Variants in DYNC1LI2 observed in about 807,000 individuals in gnomAD.
DYNC1LI2 encodes dynein cytoplasmic 1 light intermediate chain 2.
In DYNC1LI2, 19 loss-of-function variants were observed where a neutral mutation model predicts 57.8. That is an observed-to-expected ratio of 0.33 (90% CI 0.23 to 0.48). The LOEUF is 0.48. Among genes scored for constraint, DYNC1LI2 ranks in the 20% least tolerant of loss-of-function variants. The probability of loss-of-function intolerance (pLI) is 0.99; values close to 1 mark genes in which losing one functional copy is unlikely to be tolerated. For synonymous variants in DYNC1LI2, 256 were observed against 233.4 expected (o/e 1.10, Z -0.88); for missense variants, 470 against 604.2 (o/e 0.78, Z 2.33).
At chr16:66,742,952 G>T (rs1211920464) in intron 3 of DYNC1LI2, among the ~76,000 whole-genome samples, 2 of 151,788 alleles carry the variant, frequency 1.3e-5, no homozygotes, top group Admixed American at 1.3e-4. Flanking sequence ...TGAGGTCAGG[G>T]GTTCAAGACC....
In DYNC1LI2 at chr16:66,729,067, A is replaced by G. The variant is rs2017587146; in HGVS notation, c.1074T>C (p.Asp358=). The G allele has an allele frequency of 1.2e-6, 2 of 1,614,072 alleles. No homozygotes were observed. The highest frequency in any genetic ancestry group is 2.7e-5 in the African/African-American group (2 of 74,934). ...GTTGCTTCATTAGGAACACCTGCTC[A>G]TCTTCTGCTGCCAACTCTTTGTCGT... ...LVHDKELAAE[D]EQVFLMKQQS... is the part of the protein sequence containing the mutation. Residue 358 remains aspartate (D), a synonymous_variant, in exon 9 of 13, where the codon GAT becomes GAC. Transcript: ENST00000258198.
At chr16:66,725,375 G>A (rs2144965523) in intron 12 of DYNC1LI2, among the ~76,000 whole-genome samples, 1 of 152,076 alleles carries the variant, frequency 6.6e-6, no homozygotes, top group African/African-American at 2.4e-5. Context: ...CAGCTACTCG[G>A]GAGGCTGAGA....
At chr16:66,749,465 G>T in intron 2 of DYNC1LI2, 152 bp from the exon 3 acceptor site, 5 of 759,878 alleles carry the variant, frequency 6.6e-6, no homozygotes, top group Non-Finnish European at 1.1e-5. Flanking sequence ...GACTTTGCTG[G>T]AAGAGTGGTT....
chr16:66,726,197 G>A (rs1055993258), intron 11 of DYNC1LI2, among the ~76,000 whole-genome samples: 3 of 152,130 alleles, frequency 2.0e-5, no homozygotes, highest in Admixed American at 6.5e-5. Flanking sequence ...CCACCTCCCC[G>A]TCCATGAGAC....
At chr16:66,740,434 G>C (rs758092576) in intron 4 of DYNC1LI2, among the ~76,000 whole-genome samples, 7 of 152,060 alleles carry the variant, frequency 4.6e-5, no homozygotes, top group African/African-American at 7.2e-5. Context: ...ACTAACAAAG[G>C]CTCCTCCAAC....
chr16:66,723,581 GA>G lies in DYNC1LI2; in HGVS notation c.*140del. The stretch of plus-strand genomic sequence containing the variant: ...GCATTTCACACTCGGACAAGCCAAT[GA>G]AGTTTTTTTTTTTTTTTTAAAGTTC... On this transcript the variant is annotated 3_prime_UTR_variant, in exon 13 of 13. Transcript: ENST00000258198. The G allele has an allele frequency of 1.5e-6, 1 of 689,248 alleles. No individual in the cohort carries two copies. Among genetic ancestry groups the G allele is most frequent in the Non-Finnish European group, 2.4e-6 (1 of 412,714 alleles). 42.7% of individuals were successfully genotyped at this position (689,248 alleles called of 1,614,324 possible). A position where few individuals can be genotyped will look rare whatever the true frequency, so the allele number is the denominator to read the frequency against.
chr16:66,728,945 G>A (rs923404633), intron 9 of DYNC1LI2, 95 bp downstream of exon 9: 54 of 1,308,618 alleles, frequency 4.1e-5, no homozygotes, highest in African/African-American at 4.1e-4. Context: ...CAAGCTCTTT[G>A]TGACTTCCCA....
intron 2 of DYNC1LI2, 133 bp from the exon 3 acceptor site, chr16:66,749,446 T>G: frequency 1.1e-6 from 1 of 879,936 alleles, no homozygotes; most frequent in Non-Finnish European, 1.8e-6. Context: ...CCTGCTTTCA[T>G]AAACAAAGGA....
At chr16:66,728,266 C>T in intron 9 of DYNC1LI2, 24 bp from the exon 10 acceptor site, 2 of 1,613,894 alleles carry the variant, frequency 1.2e-6, no homozygotes, top group Non-Finnish European at 8.5e-7. Flanking sequence ...GACAAACTGG[C>T]TATTAACCAA....
chr16:66,750,748 AG>A (rs1463691740), intron 2 of DYNC1LI2, among the ~76,000 whole-genome samples: 1 of 152,158 alleles, frequency 6.6e-6, no homozygotes, highest in East Asian at 1.9e-4. Flanking sequence ...GAGGAGAGTG[AG>A]GCCAGAGGGA....
At chr16:66,745,180 G>A (rs1034139424) in intron 3 of DYNC1LI2, among the ~76,000 whole-genome samples, 8 of 152,186 alleles carry the variant, frequency 5.3e-5, no homozygotes, top group African/African-American at 1.9e-4. Context: ...GGGATTACAG[G>A]CATGAGCCAC....
chr16:66,744,139 G>A (rs2017894163), intron 3 of DYNC1LI2, among the ~76,000 whole-genome samples: 1 of 151,298 alleles, frequency 6.6e-6, no homozygotes, highest in Non-Finnish European at 1.5e-5. Flanking sequence ...CTGCAGTCTC[G>A]ATTTCCTGGG....
intron 3 of DYNC1LI2, among the ~76,000 whole-genome samples, chr16:66,744,151 T>C (rs540808612): frequency 6.6e-6 from 1 of 151,590 alleles, no homozygotes; most frequent in Non-Finnish European, 1.5e-5. Flanking sequence ...TTTCCTGGGA[T>C]AGTGATCCAC....
intron 3 of DYNC1LI2, among the ~76,000 whole-genome samples, chr16:66,746,889 T>G (rs2017945092): frequency 6.6e-6 from 1 of 152,174 alleles, no homozygotes. Flanking sequence ...CTGAACGAGT[T>G]CTGCCTGGCT....
At chr16:66,723,912 C>G (rs1185012248) in intron 12 of DYNC1LI2, 90 bp from the exon 13 acceptor site, 1 of 1,013,822 alleles carries the variant, frequency 9.9e-7, no homozygotes, top group African/African-American at 1.6e-5. Flanking sequence ...TATACGCCTT[C>G]TATAATCACT....
chr16:66,733,374 C>T (rs1032918468), intron 6 of DYNC1LI2: 10 of 152,224 alleles, frequency 6.6e-5, no homozygotes, highest in African/African-American at 2.4e-4. Flanking sequence ...ATAGCCTGGC[C>T]AACATGCTGA....
At chr16:66,734,197 C>A (rs2017688592) in intron 6 of DYNC1LI2, 21 bp downstream of exon 6, 2 of 1,612,982 alleles carry the variant, frequency 1.2e-6, no homozygotes, top group Non-Finnish European at 1.7e-6. Flanking sequence ...ACCCAGGCCC[C>A]ACACAGCGCC....
intron 3 of DYNC1LI2, among the ~76,000 whole-genome samples, chr16:66,745,822 C>T (rs2017925702): frequency 2.0e-5 from 3 of 151,490 alleles, no homozygotes; most frequent in Admixed American, 1.3e-4. Context: ...GAGGACTGCT[C>T]GAGCTCGGGA....
chr16:66,742,388 T>A (rs2017855914), intron 4 of DYNC1LI2, 50 bp downstream of exon 4: 2 of 1,576,242 alleles, frequency 1.3e-6, no homozygotes, highest in Non-Finnish European at 1.7e-6. Flanking sequence ...ATTCAAACCA[T>A]CTAAAGAGAC....
Sources: gnomAD v4.1 joint callset for allele counts (sites outside exome capture counted in the v4.1 genomes callset) on GRCh38, gnomAD v4.1.1 for gene constraint, MANE v1.5 for transcripts, NCBI Gene and HGNC (gene_info 2026-07-23, HGNC 2026-07-21) for gene names.